ANO3: variants seen among roughly 807,000 people sequenced by gnomAD.
ANO3 encodes anoctamin 3, also known as anoctamin-3.
In ANO3, 99 loss-of-function variants were observed where a neutral mutation model predicts 144.8. The observed-to-expected ratio is 0.68, with a 90% CI of 0.58 to 0.81. ANO3 has a LOEUF of 0.81. ANO3 is among the 30% of genes least tolerant of loss of function. ANO3 has a pLI of 0.00. For synonymous variants in ANO3, 414 were observed against 392.6 expected (o/e 1.05, Z -0.64); for missense variants, 905 against 1,202.2 (o/e 0.75, Z 3.66).
At chr11:26,598,303 A>G (rs1851696981) in intron 14 of ANO3, 62 bp from the exon 15 acceptor site, 4 of 810,012 alleles carry the variant, frequency 4.9e-6, no homozygotes, top group South Asian at 5.8e-5. Flanking sequence ...ATATCTCAAT[A>G]TAAAGAAGAA....
intron 1 of ANO3, among the ~76,000 whole-genome samples, chr11:26,387,972 A>G (rs995585502): frequency 2.0e-5 from 3 of 151,820 alleles, no homozygotes; most frequent in Admixed American, 6.6e-5. Context: ...ACCACTCACT[A>G]TCTCTCTTCT....
At chr11:26,609,847 A>C (rs765870544) in intron 17 of ANO3, among the ~76,000 whole-genome samples, 1 of 152,210 alleles carries the variant, frequency 6.6e-6, no homozygotes, top group Non-Finnish European at 1.5e-5. Flanking sequence ...ACTAATTTAC[A>C]ATTCCACCAA....
rs1350196498 is a variant in ANO3, at chr11:26,662,998, C to T, written c.*2554C>T. 6.6e-6 allele frequency: 1 copy of T among 152,404 alleles called. No individual in the cohort carries two copies. The highest frequency in any genetic ancestry group is 2.4e-5 in the African/African-American group (1 of 41,428). 9.4% of individuals were successfully genotyped at this position (152,404 alleles called of 1,614,324 possible). A position where few individuals can be genotyped will look rare whatever the true frequency, so the allele number is the denominator to read the frequency against. ...ATTTTCATATTCTAACTTGTCTTTT[C>T]AAGCAAATAACTAATATATATGTGC... On this transcript the variant is annotated 3_prime_UTR_variant, in exon 27 of 27. Transcript: ENST00000256737.
intron 1 of ANO3, among the ~76,000 whole-genome samples, chr11:26,357,781 T>C (rs921346812): frequency 6.6e-6 from 1 of 152,160 alleles, no homozygotes; most frequent in Non-Finnish European, 1.5e-5. Context: ...AATGTTTCCC[T>C]TTATGTTTCT....
upstream of ANO3, among the ~76,000 whole-genome samples, chr11:26,307,290 G>A (rs1324407603): frequency 6.6e-6 from 1 of 152,150 alleles, no homozygotes; most frequent in Non-Finnish European, 1.5e-5. Context: ...GGAGACGGAG[G>A]TTGCAGTAAG....
intron 4 of ANO3, among the ~76,000 whole-genome samples, chr11:26,470,131 G>A (rs1859728209): frequency 6.6e-6 from 1 of 151,874 alleles, no homozygotes; most frequent in South Asian, 2.1e-4. Context: ...GGGTGTGGTA[G>A]CTCATGCCTA....
At chr11:26,638,197 C>T (rs915295031) in intron 20 of ANO3, among the ~76,000 whole-genome samples, 6 of 152,050 alleles carry the variant, frequency 3.9e-5, no homozygotes, top group Non-Finnish European at 8.8e-5. Context: ...GACTTAGTGG[C>T]TCCCTTCTAA....
intron 1 of ANO3, among the ~76,000 whole-genome samples, chr11:26,399,019 G>A (rs904272508): frequency 6.6e-6 from 1 of 151,948 alleles, no homozygotes; most frequent in African/African-American, 2.4e-5. Flanking sequence ...TGTCATTAAA[G>A]GAGGGAGTCT....
At chr11:26,495,424 A>G (rs1860895233) in intron 4 of ANO3, among the ~76,000 whole-genome samples, 1 of 152,038 alleles carries the variant, frequency 6.6e-6, no homozygotes, top group Non-Finnish European at 1.5e-5. Context: ...CTAACTTTTA[A>G]CAGCAAGAGT....
intron 1 of ANO3, among the ~76,000 whole-genome samples, chr11:26,191,850 T>C (rs867519419): frequency 2.6e-5 from 4 of 152,322 alleles, no homozygotes; most frequent in African/African-American, 9.6e-5. Flanking sequence ...TCTGTAGGTA[T>C]TTGTCCTATA....
At chr11:26,267,641 C>T (rs867081086) in intron 1 of ANO3, among the ~76,000 whole-genome samples, 1 of 152,108 alleles carries the variant, frequency 6.6e-6, no homozygotes, top group Admixed American at 6.6e-5. Context: ...ATAATGTTTT[C>T]CTCTTTTAAA....
chr11:26,435,503 A>G (rs1175963356), intron 1 of ANO3, among the ~76,000 whole-genome samples: 1 of 152,118 alleles, frequency 6.6e-6, no homozygotes. Flanking sequence ...ACCCTGAAAT[A>G]TGTTTTCCTC....
At chr11:26,650,373 A>G (rs1435366335) in intron 24 of ANO3, among the ~76,000 whole-genome samples, 1 of 152,158 alleles carries the variant, frequency 6.6e-6, no homozygotes, top group African/African-American at 2.4e-5. Context: ...AATCAGATAG[A>G]TGCGTGTTTG....
chr11:26,481,224 T>C (rs1860202008), intron 4 of ANO3, among the ~76,000 whole-genome samples: 1 of 152,076 alleles, frequency 6.6e-6, no homozygotes, highest in Non-Finnish European at 1.5e-5. Context: ...ACCCACACCA[T>C]AGACGATTTT....
chr11:26,645,970 G>T (rs10835041), intron 23 of ANO3, among the ~76,000 whole-genome samples: 1 of 151,996 alleles, frequency 6.6e-6, no homozygotes, highest in Admixed American at 6.6e-5. Flanking sequence ...AGATAGGTAA[G>T]TGTTTTCTAA....
intron 17 of ANO3, among the ~76,000 whole-genome samples, chr11:26,601,004 C>T (rs1851787660): frequency 6.6e-6 from 1 of 152,196 alleles, no homozygotes; most frequent in South Asian, 2.1e-4. Context: ...AACCAATTTC[C>T]TCTGAAAATA....
At chr11:26,248,050 G>T (rs1416579413) in intron 1 of ANO3, among the ~76,000 whole-genome samples, 2 of 151,960 alleles carry the variant, frequency 1.3e-5, no homozygotes, top group Non-Finnish European at 2.9e-5. Context: ...ATTTTTAAGA[G>T]GAAGGATTGG....
At chr11:26,648,592 T>A (rs984933761) in intron 24 of ANO3, among the ~76,000 whole-genome samples, 4 of 143,372 alleles carry the variant, frequency 2.8e-5, no homozygotes, top group African/African-American at 1.0e-4. Context: ...CCAGATGTCC[T>A]CTGGGGGACA....
At chr11:26,556,359 T>C (rs1448695016) in intron 13 of ANO3, among the ~76,000 whole-genome samples, 1 of 149,150 alleles carries the variant, frequency 6.7e-6, no homozygotes, top group Non-Finnish European at 1.5e-5. Context: ...AAAAAACTTG[T>C]TTAACAAACA....
Sources: gnomAD v4.1 joint callset for allele counts (sites outside exome capture counted in the v4.1 genomes callset) on GRCh38, gnomAD v4.1.1 for gene constraint, MANE v1.5 for transcripts, NCBI Gene and HGNC (gene_info 2026-07-23, HGNC 2026-07-21) for gene names.